Variants in ZRANB3 observed in about 807,000 individuals in gnomAD.
ZRANB3 encodes the protein DNA annealing helicase and endonuclease ZRANB3.
ZRANB3 carries 125 observed loss-of-function variants against 133.8 expected under a neutral mutation model. The ratio of observed to expected loss-of-function variants is 0.93; its 90% CI spans 0.81 to 1.08. The LOEUF (loss-of-function observed/expected upper bound fraction) is 1.08. Among genes scored for constraint, ZRANB3 ranks in the 50% least tolerant of loss-of-function variants. The pLI is 0.00. For missense variants in ZRANB3, 1,229 were observed against 1,275.5 expected (o/e 0.96, Z 0.56); for synonymous variants, 387 against 432.7 (o/e 0.89, Z 1.31).
chr2:135,218,394 C>T (rs781685939), intron 16 of ZRANB3, among the ~76,000 whole-genome samples: 16 of 152,072 alleles, frequency 1.1e-4, no homozygotes, highest in Admixed American at 7.9e-4. Flanking sequence ...ACACAACTGG[C>T]TATTTTCTGG....
intron 2 of ZRANB3, among the ~76,000 whole-genome samples, chr2:135,416,402 G>C (rs1295365496): frequency 1.3e-5 from 2 of 151,884 alleles, no homozygotes; most frequent in Admixed American, 1.3e-4. Context: ...AACTTACAAG[G>C]GATGTGAAGG....
At chr2:135,373,812 A>AGGGGG in intron 3 of ZRANB3, among the ~76,000 whole-genome samples, 1 of 34,724 alleles carries the variant, frequency 2.9e-5, no homozygotes, top group Non-Finnish European at 5.2e-5. Context: ...AGGGGAGGGG[A>AGGGGG]GGGGACGGGA....
chr2:135,347,723 A>G (rs181793038), intron 5 of ZRANB3, among the ~76,000 whole-genome samples: 132 of 152,330 alleles, frequency 8.7e-4, no homozygotes, highest in South Asian at 1.0e-3. Context: ...GAAATAACCA[A>G]TGGGCCAAAG....
chr2:135,405,868 G>A (rs1027824915), intron 2 of ZRANB3, among the ~76,000 whole-genome samples: 2 of 152,068 alleles, frequency 1.3e-5, no homozygotes, highest in Non-Finnish European at 2.9e-5. Flanking sequence ...AGAGAAAGCA[G>A]GAAAGATCTA....
rs1693459154 is a variant in ZRANB3 at position 135,197,605 on chromosome 2, C to T, written c.*2737G>A. The T allele has an allele frequency of 6.6e-6, 1 of 152,228 alleles. No individual in the cohort carries two copies. The allele number at this position is 152,228 out of a possible 1,614,324, so 9.4% of individuals were successfully genotyped here. A position where few individuals can be genotyped will look rare whatever the true frequency, so the allele number is the denominator to read the frequency against. ...TCTGGGGCTACTAAAAGCAACTTTA[C>T]TAGTCATCAGAATGTGTCTGGGATC... is the stretch of plus-strand genomic sequence containing the variant. On this transcript the variant is annotated 3_prime_UTR_variant, in exon 21 of 21. Coordinates refer to ENST00000264159, the MANE Select transcript of ZRANB3 (RefSeq NM_032143.4).
At position 135,207,794 on chromosome 2, in the gene ZRANB3, T is replaced by C. The variant is rs1158031314; in HGVS notation, c.2649A>G (p.Pro883=). The C allele has an allele frequency of 3.1e-6, 5 of 1,604,578 alleles. No individual in the cohort carries two copies. The highest frequency in any genetic ancestry group is 2.6e-6 in the Non-Finnish European group (3 of 1,172,070). ...CAGTGAGATCTGCCTGGACTGTGTA[T>C]GGATTTAGAAATGGGACACAGGCTC... ...EDGACVPFLN[P]YTVQADLTVK... is the part of the protein sequence containing the mutation. The change falls in exon 19 of 21, where the codon CCA becomes CCG. Residue 883 remains proline, a synonymous_variant. Coordinates refer to ENST00000264159, the MANE Select transcript of ZRANB3 (RefSeq NM_032143.4).
At chr2:135,302,110 C>A (rs1249732406) in intron 8 of ZRANB3, among the ~76,000 whole-genome samples, 1 of 152,206 alleles carries the variant, frequency 6.6e-6, no homozygotes, top group Non-Finnish European at 1.5e-5. Flanking sequence ...TAGATGATAA[C>A]TAGCTACCTC....
chr2:135,343,024 A>AC (rs1349904924), intron 6 of ZRANB3, among the ~76,000 whole-genome samples: 1 of 146,072 alleles, frequency 6.8e-6, no homozygotes, highest in Non-Finnish European at 1.5e-5. Flanking sequence ...AAAAAAAAAA[A>AC]AAAAAAAAAA....
rs888034172 is a variant in ZRANB3 at position 135,251,761 on chromosome 2, G to A, written c.1539+13773C>T. On this transcript the variant is annotated intron_variant, in intron 12 of 20. Transcript: ENST00000264159. ...CCAATTAAACCTCTTTTTCCGCTGG[G>A]CATGGTGGCTCACACCTGTAATCCC... Among the ~76,000 whole-genome samples, 8 of 152,166 alleles carry A rather than the reference G, an allele frequency of 5.3e-5. No homozygotes were observed. The East Asian group carries it at 1.5e-3, about 29-fold the overall frequency.
chr2:135,433,361 C>T (rs543853728), intron 2 of ZRANB3, among the ~76,000 whole-genome samples: 8 of 151,776 alleles, frequency 5.3e-5, no homozygotes, highest in South Asian at 2.1e-4. Flanking sequence ...CACTCCAGCA[C>T]GGGCAACAAA....
rs552588904 is a variant in ZRANB3 at position 135,413,457 on chromosome 2, T to G, written c.162-22637A>C. 2.2e-4 allele frequency among the ~76,000 whole-genome samples: 33 copies of G among 152,336 alleles called. No individual in the cohort carries two copies. In the South Asian group the frequency reaches 5.8e-3, roughly 27 times the overall value. On this transcript the variant is annotated intron_variant, in intron 2 of 20. Transcript: ENST00000264159. ...ATTTGAAGCTACCATCCTCTGTAACTTCCTTATATCTGTTGTGAGTATTTA... is the reference window on the plus strand; with the variant it reads ...ATTTGAAGCTACCATCCTCTGTAACGTCCTTATATCTGTTGTGAGTATTTA...
In ZRANB3 at chr2:135,265,701, A is replaced by C. The variant is rs1485454459; in HGVS notation, c.1387-15T>G. ...GTAACTTGAGCCTACAAGAGGAAAA[A>C]GTAAATGAATTTTTGAGCAGTTCAC... On this transcript the variant is annotated splice_polypyrimidine_tract_variant and intron_variant, in intron 11 of 20. Transcript: ENST00000264159. 6.2e-7 allele frequency: 1 copy of C among 1,605,542 alleles called. No homozygotes were observed. Among genetic ancestry groups the C allele is most frequent in the East Asian group, 2.2e-5 (1 of 44,778 alleles).
Position 135,511,888 on chromosome 2 carries a change from T to C in ZRANB3, c.-7-7392A>G, listed in dbSNP as rs1431664377. The C allele has an allele frequency of 3.9e-6, 3 of 766,754 alleles. No individual in the cohort carries two copies. In the South Asian group the frequency reaches 4.0e-5, roughly 10 times the overall value. The allele number at this position is 766,754 out of a possible 1,614,324, so 47.5% of individuals were successfully genotyped here. A position where few individuals can be genotyped will look rare whatever the true frequency, so the allele number is the denominator to read the frequency against. ...TGGGGCCTAGTTCAGCAGTGTGTAA[T>C]GCTGTCTCACAAATTCCCACCCAAC... is the stretch of plus-strand genomic sequence containing the variant. On this transcript the variant is annotated intron_variant, in intron 1 of 20. Transcript: ENST00000264159.
intron 1 of ZRANB3, among the ~76,000 whole-genome samples, chr2:135,523,242 T>C (rs534690838): frequency 1.3e-5 from 2 of 152,292 alleles, no homozygotes; most frequent in South Asian, 4.1e-4. Flanking sequence ...CCCAAAATAT[T>C]AATGTATCTC....
chr2:135,271,868 T>C lies in ZRANB3; in HGVS notation c.1106A>G (p.Asp369Gly). 2 of 1,613,594 alleles carry C rather than the reference T, an allele frequency of 1.2e-6. No individual in the cohort carries two copies. The highest frequency in any genetic ancestry group is 1.7e-6 in the Non-Finnish European group (2 of 1,179,754). Residue 369 changes from aspartate (D) to glycine (G), a missense_variant, in exon 10 of 21, where the codon GAT becomes GGT. By Grantham distance (94) the Asp-to-Gly change is moderately conservative. Transcript: ENST00000264159. The part of the protein sequence containing the change: ...IENKTRYIRI[D>G]GSVSSSERIH... ...TCTTTCTGAAGATGAAACACTTCCA[T>C]CTATCCTAATGTAACGAGTCTAGCA...
chr2:135,389,334 C>T (rs1254925491), intron 3 of ZRANB3, among the ~76,000 whole-genome samples: 1 of 152,054 alleles, frequency 6.6e-6, no homozygotes, highest in Non-Finnish European at 1.5e-5. Flanking sequence ...AACTATGAAC[C>T]CCTATATCAA....
At chr2:135,505,354 T>C (rs1295336347) in intron 1 of ZRANB3, among the ~76,000 whole-genome samples, 1 of 152,068 alleles carries the variant, frequency 6.6e-6, no homozygotes, top group Non-Finnish European at 1.5e-5. Context: ...GGTGGGTGGA[T>C]CATGAGGTCA....
chr2:135,383,968 G>T (rs1002315726), intron 3 of ZRANB3, among the ~76,000 whole-genome samples: 1 of 152,136 alleles, frequency 6.6e-6, no homozygotes, highest in Non-Finnish European at 1.5e-5. Context: ...TCAAAAGCTA[G>T]CAGAAGGCAA....
chr2:135,416,753 A>C (rs1688592703), intron 2 of ZRANB3, among the ~76,000 whole-genome samples: 1 of 152,210 alleles, frequency 6.6e-6, no homozygotes, highest in Admixed American at 6.5e-5. Flanking sequence ...CCTGGTACCA[A>C]AACAGAGATA....
Sources: allele counts gnomAD v4.1 joint callset (sites outside exome capture counted in the v4.1 genomes callset), GRCh38; gene constraint gnomAD v4.1.1; transcripts MANE v1.5; gene names NCBI Gene and HGNC (gene_info 2026-07-23, HGNC 2026-07-21).